The following ITFG2 variants were observed in gnomAD, a reference collection of about 807,000 sequenced individuals.
ITFG2 encodes KICSTOR complex protein ITFG2.
Under a neutral mutation model 54.4 loss-of-function variants are expected in ITFG2, and 36 were observed. That is an observed-to-expected ratio of 0.66 (90% CI 0.51 to 0.87). The LOEUF (loss-of-function observed/expected upper bound fraction) is 0.87. Ranked by LOEUF, ITFG2 falls within the 40% of genes least tolerant of loss-of-function variation. ITFG2 has a pLI of 0.00. For synonymous variants in ITFG2, 211 were observed against 225.4 expected (o/e 0.94, Z 0.57); for missense variants, 524 against 576.7 (o/e 0.91, Z 0.94).
At chr12:2,828,798 C>T (rs1357208650), downstream of ITFG2, among the ~76,000 whole-genome samples, 4 of 152,124 alleles carry the variant, frequency 2.6e-5, no homozygotes, top group East Asian at 5.8e-4. Flanking sequence ...GCCAAGATCA[C>T]GCCATTACAC....
chr12:2,852,522 A>G (rs1019912926), intron 2 of ITFG2, among the ~76,000 whole-genome samples: 3 of 152,096 alleles, frequency 2.0e-5, no homozygotes, highest in Non-Finnish European at 4.4e-5. Context: ...ATGTGCCACC[A>G]TGCCTGGCTA....
intron 5 of ITFG2, 102 bp from the exon 6 acceptor site, chr12:2,820,622 G>GGCCCGGGC: frequency 4.7e-6 from 2 of 425,532 alleles, no homozygotes; most frequent in Non-Finnish European, 9.1e-6. Flanking sequence ...CTGCTGCCCT[G>GGCCCGGGC]CCCCTGCCCC....
intron 2 of ITFG2, chr12:2,849,541 T>G: frequency 6.5e-7 from 1 of 1,535,638 alleles, no homozygotes. Flanking sequence ...GGGAGAAGGG[T>G]ATGGAGAGAA....
intron 2 of ITFG2, among the ~76,000 whole-genome samples, chr12:2,852,769 C>T (rs1339247562): frequency 2.6e-5 from 4 of 152,022 alleles, no homozygotes; most frequent in African/African-American, 9.7e-5. Context: ...CTTTGGGAGG[C>T]CGAGTTGGGC....
rs3056877 is a variant in ITFG2, at chr12:2,848,877, GCACACACACACACACACACACACA to G, written n.300+7894_300+7917del. ...CCCCCACCCCAACAGACACACACAC[GCACACACACACACACACACACACA>G]CACACACACACTCCTTCCTTCCCAC... On this transcript the variant is annotated intron_variant and non_coding_transcript_variant, in intron 2 of 3. Transcript: ENST00000537710. Among the ~76,000 whole-genome samples the G allele has an allele frequency of 2.8e-4, 39 of 140,372 alleles. 1 individual carries two copies. Among genetic ancestry groups the G allele is most frequent in the African/African-American group, 1.0e-3 (38 of 37,184 alleles). The allele number at this position is 140,372 out of a possible 152,430, so 92.1% of individuals were successfully genotyped here.
chr12:2,827,779 T>A, downstream of ITFG2: 2 of 1,606,762 alleles, frequency 1.2e-6, no homozygotes, highest in Non-Finnish European at 1.7e-6. This position sits in a 1 kb window ranked among gnomAD's most constrained non-coding sequence, Gnocchi z 4.0. Flanking sequence ...CATCCCCAGA[T>A]CCGAGGACAC....
At chr12:2,821,231 C>G in intron 6 of ITFG2, 31 bp from the exon 7 acceptor site, 2 of 1,552,818 alleles carry the variant, frequency 1.3e-6, no homozygotes, top group African/African-American at 1.4e-5. Context: ...CACTTGGTCT[C>G]CCGCTTGATC....
intron 5 of ITFG2, 86 bp downstream of exon 5, chr12:2,820,311 C>T: frequency 1.4e-6 from 2 of 1,433,200 alleles, no homozygotes; most frequent in Non-Finnish European, 1.9e-6. Context: ...AGTCATGGGA[C>T]AGGGCCAGGG....
At chr12:2,819,896 C>T (rs766735180) in intron 4 of ITFG2, 190 bp from the exon 5 acceptor site, 19 of 569,418 alleles carry the variant, frequency 3.3e-5, no homozygotes, top group Non-Finnish European at 4.9e-5. Context: ...ATAGGAGCTG[C>T]GGAACAGATG....
At chr12:2,835,802 C>T (rs2098026028), upstream of ITFG2, among the ~76,000 whole-genome samples, 2 of 152,156 alleles carry the variant, frequency 1.3e-5, no homozygotes, top group Admixed American at 1.3e-4. Context: ...TTTATCAGGC[C>T]CAGACTTCTT....
At chr12:2,828,078 C>T (rs1228956578), downstream of ITFG2, 1 of 1,585,966 alleles carries the variant, frequency 6.3e-7, no homozygotes, top group Non-Finnish European at 8.6e-7. Context: ...TTATGGCTAC[C>T]ACAGCCCCTA....
upstream of ITFG2, chr12:2,834,684 G>T: frequency 6.2e-7 from 1 of 1,612,918 alleles, no homozygotes; most frequent in Non-Finnish European, 8.5e-7. Flanking sequence ...TGTCCAGCGG[G>T]AGCAGGTCGG....
At position 2,823,792 on chromosome 12, in the gene ITFG2, C is replaced by A. The variant is rs780791913; in HGVS notation, c.1089C>A (p.Gly363=). Residue 363 remains glycine (G), a synonymous_variant, in exon 11 of 12, where the codon GGC becomes GGA. Transcript: ENST00000228799. ...CAGGCCTGTACGCCTGCAAAGAGGGCCGCAACAGCCCCTGCCTCGTATATG... is the reference window on the plus strand; with the variant it reads ...CAGGCCTGTACGCCTGCAAAGAGGGACGCAACAGCCCCTGCCTCGTATATG... ...FCAGLYACKE[G]RNSPCLVYVT... 6 of 1,576,972 alleles carry A rather than the reference C, an allele frequency of 3.8e-6. No individual in the cohort carries two copies. The East Asian group carries it at 1.3e-4, about 35-fold the overall frequency.
chr12:2,817,775 A>C (rs1233057976), intron 2 of ITFG2, 134 bp from the exon 3 acceptor site: 6 of 801,844 alleles, frequency 7.5e-6, no homozygotes, highest in Non-Finnish European at 9.9e-6. Context: ...AAAGACCATC[A>C]CCATGGTTCA....
intron 4 of ITFG2, chr12:2,818,533 C>G (rs1431904961): frequency 1.8e-6 from 1 of 555,320 alleles, no homozygotes; most frequent in South Asian, 2.0e-5. Flanking sequence ...TGTGCTGCCT[C>G]TCGCCTGTGA....
chr12:2,842,428 C>CA (rs1565442286), intron 2 of ITFG2, among the ~76,000 whole-genome samples: 1 of 150,014 alleles, frequency 6.7e-6, no homozygotes, highest in African/African-American at 2.4e-5. Context: ...GCCTTGTTTC[C>CA]TTTTTTTTTA....
intron 1 of ITFG2, among the ~76,000 whole-genome samples, chr12:2,814,423 G>A (rs2097916737): frequency 6.6e-6 from 1 of 152,152 alleles, no homozygotes; most frequent in Admixed American, 6.5e-5. Context: ...TGCAATGTTA[G>A]ATATACTACC....
chr12:2,827,255 CG>C (rs2097972391), downstream of ITFG2: 1 of 1,614,104 alleles, frequency 6.2e-7, no homozygotes, highest in Non-Finnish European at 8.5e-7. The surrounding 1 kb of genome is among the most constrained non-coding windows in gnomAD (Gnocchi z 4.0). Flanking sequence ...GCTCTGAGAA[CG>C]GGGCTTTCAG....
intron 1 of ITFG2, among the ~76,000 whole-genome samples, chr12:2,813,930 G>T (rs2097915473): frequency 6.6e-6 from 1 of 152,094 alleles, no homozygotes; most frequent in Non-Finnish European, 1.5e-5. Flanking sequence ...AAAATTAGAG[G>T]AGGAATTTTT....
Sources: gnomAD v4.1 joint callset for allele counts (sites outside exome capture counted in the v4.1 genomes callset) on GRCh38, gnomAD v4.1.1 for gene constraint, Gnocchi (gnomAD v3.1) non-coding constraint, MANE v1.5 for transcripts, NCBI Gene and HGNC (gene_info 2026-07-23, HGNC 2026-07-21) for gene names.